ZNF804A: variants seen among roughly 807,000 people sequenced by gnomAD.
The protein encoded by ZNF804A is zinc finger protein 804A.
Under a neutral mutation model 16.5 loss-of-function variants are expected in ZNF804A, and 2 were observed. That is an observed-to-expected ratio of 0.12 (90% CI 0.05 to 0.38). The LOEUF (loss-of-function observed/expected upper bound fraction) is 0.38, where lower values mean the gene tolerates loss of function less well. Ranked by LOEUF, ZNF804A falls within the 10% of genes least tolerant of loss-of-function variation. The pLI is 0.99. For synonymous variants in ZNF804A, 534 were observed against 489.6 expected (o/e 1.09, Z -1.20); for missense variants, 1,473 against 1,390.7 (o/e 1.06, Z -0.94).
intron 2 of ZNF804A, among the ~76,000 whole-genome samples, chr2:184,892,483 C>CGTTT (rs1684999822): frequency 9.5e-6 from 1 of 105,708 alleles, no homozygotes; most frequent in Non-Finnish European, 1.8e-5. Flanking sequence ...TTGTTGTGTT[C>CGTTT]TTTTTTTTTT....
intron 2 of ZNF804A, among the ~76,000 whole-genome samples, chr2:184,892,545 C>A (rs1685002007): frequency 7.6e-6 from 1 of 132,112 alleles, no homozygotes; most frequent in Admixed American, 9.5e-5. Flanking sequence ...AGTGCAGTGG[C>A]TCGATCTCGG....
chr2:184,788,114 AT>A (rs1694479013), intron 1 of ZNF804A, among the ~76,000 whole-genome samples: 1 of 151,328 alleles, frequency 6.6e-6, no homozygotes, highest in Non-Finnish European at 1.5e-5. Context: ...CCCATTGTTT[AT>A]TTTTGTCAAA....
At chr2:184,803,875 AG>A (rs1022830920) in intron 1 of ZNF804A, among the ~76,000 whole-genome samples, 47 of 124,160 alleles carry the variant, frequency 3.8e-4, no homozygotes, top group Middle Eastern at 4.0e-3. Flanking sequence ...TTTGGGGGGG[AG>A]GGGGGTGATG....
chr2:184,691,602 A>C (rs1456437955), intron 1 of ZNF804A, among the ~76,000 whole-genome samples: 1 of 151,818 alleles, frequency 6.6e-6, no homozygotes, highest in African/African-American at 2.4e-5. Flanking sequence ...AATGTTCCTG[A>C]AAATATTAGA....
At chr2:184,890,483 A>C (rs887454479) in intron 2 of ZNF804A, among the ~76,000 whole-genome samples, 1 of 152,134 alleles carries the variant, frequency 6.6e-6, no homozygotes, top group African/African-American at 2.4e-5. Flanking sequence ...TGCTTCTTGG[A>C]ACTGAATGGC....
chr2:184,924,430 T>C, intron 2 of ZNF804A, among the ~76,000 whole-genome samples: 1 of 151,778 alleles, frequency 6.6e-6, no homozygotes, highest in East Asian at 1.9e-4. Flanking sequence ...ACATCTCTCA[T>C]TTTATTTGGA....
chr2:184,884,724 C>T (rs1443280877), intron 2 of ZNF804A, among the ~76,000 whole-genome samples: 2 of 151,818 alleles, frequency 1.3e-5, no homozygotes, highest in African/African-American at 4.8e-5. Context: ...AAATGTATAA[C>T]CTAAAGACAT....
At chr2:184,751,028 AT>A (rs1466119496) in intron 1 of ZNF804A, among the ~76,000 whole-genome samples, 10 of 151,670 alleles carry the variant, frequency 6.6e-5, no homozygotes, top group Non-Finnish European at 1.2e-4. Flanking sequence ...TTTTAAGACA[AT>A]AATACTGTAT....
intron 2 of ZNF804A, among the ~76,000 whole-genome samples, chr2:184,883,126 A>G (rs1277315518): frequency 1.3e-5 from 2 of 152,114 alleles, no homozygotes; most frequent in Non-Finnish European, 2.9e-5. Flanking sequence ...ACAGAAATAC[A>G]AAAAGATCTT....
intron 1 of ZNF804A, among the ~76,000 whole-genome samples, chr2:184,654,658 C>G (rs186598162): frequency 1.5e-4 from 23 of 152,188 alleles, no homozygotes; most frequent in Admixed American, 3.9e-4. Context: ...AAATATTTCA[C>G]AAGAATTTAT....
At chr2:184,870,448 A>G (rs1427590361) in intron 2 of ZNF804A, among the ~76,000 whole-genome samples, 1 of 152,066 alleles carries the variant, frequency 6.6e-6, no homozygotes, top group Non-Finnish European at 1.5e-5. Flanking sequence ...GCATAGATCA[A>G]ATACTACATA....
chr2:184,834,656 T>G (rs893030947), intron 1 of ZNF804A, among the ~76,000 whole-genome samples: 1 of 152,144 alleles, frequency 6.6e-6, no homozygotes, highest in African/African-American at 2.4e-5. Context: ...TATTTCTCAT[T>G]TTCATGATTG....
intron 1 of ZNF804A, among the ~76,000 whole-genome samples, chr2:184,662,934 A>ATGCTT (rs1428877441): frequency 1.3e-5 from 2 of 152,248 alleles, no homozygotes; most frequent in African/African-American, 4.8e-5. Flanking sequence ...AGTATTTAGA[A>ATGCTT]TGCTTTCTGT....
intron 1 of ZNF804A, among the ~76,000 whole-genome samples, chr2:184,775,391 T>C (rs2105770962): frequency 6.6e-6 from 1 of 151,764 alleles, no homozygotes; most frequent in African/African-American, 2.4e-5. Context: ...GTAGTAATAG[T>C]CATTGTGAAG....
intron 1 of ZNF804A, among the ~76,000 whole-genome samples, chr2:184,657,887 T>C (rs1199496367): frequency 6.6e-6 from 1 of 152,096 alleles, no homozygotes; most frequent in Non-Finnish European, 1.5e-5. Flanking sequence ...AATGGATAAT[T>C]GGAGTATGGA....
At chr2:184,820,899 G>C (rs1176698709) in intron 1 of ZNF804A, among the ~76,000 whole-genome samples, 3 of 151,988 alleles carry the variant, frequency 2.0e-5, no homozygotes, top group African/African-American at 7.3e-5. Context: ...ACAAACCACT[G>C]CTCAATGAAA....
intron 2 of ZNF804A, among the ~76,000 whole-genome samples, chr2:184,907,427 T>C (rs1685294254): frequency 1.3e-5 from 2 of 152,214 alleles, no homozygotes; most frequent in African/African-American, 2.4e-5. Context: ...TCATAAATCA[T>C]TTCTTGGGAA....
intron 1 of ZNF804A, among the ~76,000 whole-genome samples, chr2:184,617,514 C>G (rs991886245): frequency 9.9e-5 from 15 of 151,632 alleles, no homozygotes; most frequent in Middle Eastern, 9.5e-3. Flanking sequence ...AAAATTATAT[C>G]GAAGATTTAA....
chr2:184,924,009 T>TTG lies in ZNF804A; in HGVS notation c.256-9570_256-9569dup, dbSNP rs3046265. On this transcript the variant is annotated intron_variant, in intron 2 of 3. Transcript: ENST00000302277. ...AGTGATGTTGACATGTAGTTTTGTT[T>TTG]TGTGTGTGTGTGTGTGTGTGTGTGT... 7.8e-3 allele frequency among the ~76,000 whole-genome samples: 1,161 copies of TTG among 149,582 alleles called. 11 individuals carry two copies. The highest frequency in any genetic ancestry group is 0.022 in the African/African-American group (882 of 40,808).
Sources: gnomAD v4.1 joint callset for allele counts (sites outside exome capture counted in the v4.1 genomes callset) on GRCh38, gnomAD v4.1.1 for gene constraint, MANE v1.5 for transcripts, NCBI Gene and HGNC (gene_info 2026-07-23, HGNC 2026-07-21) for gene names.